The following DMKN variants were observed in gnomAD, a reference collection of about 807,000 sequenced individuals.
DMKN encodes the protein dermokine.
DMKN carries 58 observed loss-of-function variants against 67.6 expected under a neutral mutation model. That is an observed-to-expected ratio of 0.86 (90% CI 0.69 to 1.07). The LOEUF (loss-of-function observed/expected upper bound fraction) is 1.07. DMKN is among the 50% of genes least tolerant of loss of function. DMKN has a pLI of 0.00. For synonymous variants in DMKN, 240 were observed against 232.3 expected (o/e 1.03, Z -0.30); for missense variants, 596 against 601.5 (o/e 0.99, Z 0.10).
intron 13 of DMKN, 166 bp from the exon 14 acceptor site, chr19:35,499,063 C>G: frequency 1.1e-6 from 1 of 940,590 alleles, no homozygotes; most frequent in South Asian, 1.6e-5. Context: ...GTTGGTTTCA[C>G]AGCACGTTTA....
rs994462614 is a variant in DMKN, at chr19:35,502,067, C to A, written c.1239+69G>T. On this transcript the variant is annotated intron_variant, in intron 11 of 15. Transcript: ENST00000339686. ...GGAGGGGAAGAAACTGGGACAGACA[C>A]CTGGGTCAGCGGCTCGCCCAGGGCC... 2.5e-6 allele frequency: 4 copies of A among 1,609,840 alleles called. No individual in the cohort carries two copies. The African/African-American group carries it at 4.0e-5, about 16-fold the overall frequency.
intron 15 of DMKN, chr19:35,498,475 C>T (rs894176818): frequency 5.0e-5 from 29 of 581,476 alleles, no homozygotes; most frequent in Admixed American, 3.6e-4. Context: ...TCCCAAAGCA[C>T]AGAGATTACA....
chr19:35,512,454 A>G lies in DMKN; in HGVS notation c.651T>C (p.Tyr217=), dbSNP rs2146244830. The part of the protein sequence containing the change: ...NTQGAVAQPG[Y]GSVRASNQNE... ...TCTGGTTGCTGGCTCTCACTGAACC[A>G]TAGCCAGGCTGGGCCACAGCTCCCT... The change falls in exon 3 of 16, where the codon TAT becomes TAC. Residue 217 remains tyrosine, a synonymous_variant. Coordinates refer to ENST00000339686, the MANE Select transcript of DMKN (RefSeq NM_033317.5). 1 of 1,614,146 alleles carries G rather than the reference A, an allele frequency of 6.2e-7. No homozygotes were observed. Among genetic ancestry groups the G allele is most frequent in the East Asian group, 2.2e-5 (1 of 44,880 alleles).
intron 9 of DMKN, 119 bp from the exon 10 acceptor site, chr19:35,503,005 G>A: frequency 8.2e-7 from 1 of 1,216,328 alleles, no homozygotes. Context: ...GTTGGGGATG[G>A]GAGGAGCTGA....
At chr19:35,502,028 G>A in intron 11 of DMKN, 108 bp downstream of exon 11, 6 of 1,594,634 alleles carry the variant, frequency 3.8e-6, no homozygotes, top group Non-Finnish European at 5.1e-6. Context: ...CACAAAGCCT[G>A]GGAAAGTGGG....
Position 35,511,537 on chromosome 19 carries a change from G to A in DMKN, c.792C>T (p.Asn264=). 1 of 1,589,296 alleles carries A rather than the reference G, an allele frequency of 6.3e-7. No individual in the cohort carries two copies. Residue 264 remains asparagine (N), a synonymous_variant, in exon 5 of 16, where the codon AAC becomes AAT. Coordinates refer to ENST00000339686, the MANE Select transcript of DMKN (RefSeq NM_033317.5). ...SSGSGSNGDN[N]NGSSSGGSSS... is the part of the protein sequence containing the mutation. ...TGCTGCCACCACTGCTGCTGCCATTGTTGTTGTCACCATTGCTGCCACTGC... is the reference window on the plus strand; with the variant it reads ...TGCTGCCACCACTGCTGCTGCCATTATTGTTGTCACCATTGCTGCCACTGC...
intron 9 of DMKN, chr19:35,503,324 T>G: frequency 6.5e-7 from 1 of 1,537,040 alleles, no homozygotes; most frequent in Non-Finnish European, 8.8e-7. Context: ...CTAAGGTTTA[T>G]TTCAAGGGCA....
chr19:35,507,408 G>A, intron 7 of DMKN: 1 of 1,501,344 alleles, frequency 6.7e-7, no homozygotes, highest in Non-Finnish European at 9.1e-7. Flanking sequence ...ATCTTAGCAT[G>A]CTTCACCATC....
intron 11 of DMKN, among the ~76,000 whole-genome samples, chr19:35,501,123 C>A (rs977800761): frequency 2.0e-5 from 3 of 152,170 alleles, no homozygotes; most frequent in African/African-American, 7.2e-5. Context: ...ACACCCCCCC[C>A]AGCCCCAGCG....
intron 7 of DMKN, chr19:35,506,236 G>A (rs1289201307): frequency 2.1e-6 from 3 of 1,454,192 alleles, no homozygotes. Context: ...TTCCTATCAT[G>A]CCTGCCACCT....
chr19:35,511,373 C>T, intron 5 of DMKN, 38 bp downstream of exon 5: 1 of 1,604,766 alleles, frequency 6.2e-7, no homozygotes, highest in Non-Finnish European at 8.5e-7. Flanking sequence ...ACTAGGGCCT[C>T]ACCCCATCTC....
intron 7 of DMKN, chr19:35,508,573 G>C (rs962969283): frequency 2.8e-5 from 6 of 211,574 alleles, no homozygotes; most frequent in Non-Finnish European, 4.7e-5. Context: ...TGGTTGAAGT[G>C]ATTGAATACA....
chr19:35,506,143 C>A lies in DMKN; in HGVS notation c.1039-157G>T, dbSNP rs760753961. On this transcript the variant is annotated intron_variant, in intron 7 of 15. Transcript: ENST00000339686. ...CCACTCACCACAGTATTGACTCCAC[C>A]AACAGCGTCACCTCCTCCACTGCCC... The A allele has an allele frequency of 1.9e-5, 29 of 1,559,260 alleles. No homozygotes were observed. In the East Asian group the frequency reaches 6.8e-4, roughly 37 times the overall value.
At position 35,513,362 on chromosome 19, in the gene DMKN, G is replaced by T. The variant is rs369922306; in HGVS notation, c.114C>A (p.Ala38=). ...EESTGTNIGE[A]LGHGLGDALS... Reference sequence around the variant, plus strand: ...GGGCGTCTCCCAGGCCATGTCCAAGGGCCTCCCCAATATTTGTCCCAGTGC... The same window carrying T: ...GGGCGTCTCCCAGGCCATGTCCAAGTGCCTCCCCAATATTTGTCCCAGTGC... Residue 38 remains alanine (A), a synonymous_variant, in exon 1 of 16, where the codon GCC becomes GCA. Transcript: ENST00000339686. 3.7e-6 allele frequency: 6 copies of T among 1,613,312 alleles called. No homozygotes were observed. The African/African-American group carries it at 8.0e-5, about 22-fold the overall frequency.
At chr19:35,503,380 G>T in intron 9 of DMKN, 1 of 1,551,416 alleles carries the variant, frequency 6.4e-7, no homozygotes. Flanking sequence ...AGGAGGGAGT[G>T]TGGGGGCTCC....
chr19:35,509,804 T>C, intron 7 of DMKN, 107 bp downstream of exon 7: 1 of 1,349,050 alleles, frequency 7.4e-7, no homozygotes, highest in South Asian at 1.3e-5. Flanking sequence ...GTCAGTTCCC[T>C]GCAGACAAGG....
chr19:35,502,031 A>C, intron 11 of DMKN, 105 bp downstream of exon 11: 3 of 1,597,232 alleles, frequency 1.9e-6, no homozygotes, highest in Non-Finnish European at 1.7e-6. Context: ...AAAGCCTGGG[A>C]AAGTGGGAAG....
At chr19:35,503,672 C>T (rs113271002) in intron 9 of DMKN, among the ~76,000 whole-genome samples, 1,921 of 152,102 alleles carry the variant, frequency 0.013, 31 homozygotes, top group Non-Finnish European at 0.022. Flanking sequence ...GATGGGGTTT[C>T]ACCACATTGG....
At chr19:35,508,501 C>A in intron 7 of DMKN, 1 of 333,258 alleles carries the variant, frequency 3.0e-6, no homozygotes, top group Non-Finnish European at 5.5e-6. Context: ...CAGTCCTGTC[C>A]GACAGAATTC....
Sources: allele counts gnomAD v4.1 joint callset (sites outside exome capture counted in the v4.1 genomes callset), GRCh38; gene constraint gnomAD v4.1.1; transcripts MANE v1.5; gene names NCBI Gene and HGNC (gene_info 2026-07-23, HGNC 2026-07-21).